The following WDR70 variants were observed in gnomAD, a reference collection of about 807,000 sequenced individuals.
The protein encoded by WDR70 is WD repeat-containing protein 70.
In WDR70, 53 loss-of-function variants were observed where a neutral mutation model predicts 88.6. That is an observed-to-expected ratio of 0.60 (90% CI 0.48 to 0.75). The LOEUF (loss-of-function observed/expected upper bound fraction) is 0.75. Ranked by LOEUF, WDR70 falls within the 30% of genes least tolerant of loss-of-function variation. WDR70 has a pLI of 0.00. For synonymous variants in WDR70, 280 were observed against 270.0 expected (o/e 1.04, Z -0.36); for missense variants, 610 against 823.2 (o/e 0.74, Z 3.17).
At chr5:37,512,620 T>G (rs2112246678) in intron 8 of WDR70, among the ~76,000 whole-genome samples, 1 of 152,034 alleles carries the variant, frequency 6.6e-6, no homozygotes, top group South Asian at 2.1e-4. Context: ...CTTGCTCTCT[T>G]GCCCATGCTG....
intron 5 of WDR70, among the ~76,000 whole-genome samples, chr5:37,412,683 A>T (rs1310673902): frequency 2.0e-5 from 3 of 152,078 alleles, no homozygotes; most frequent in Non-Finnish European, 4.4e-5. Flanking sequence ...TGTGGTGGGG[A>T]GTCCAAGTTT....
chr5:37,386,561 C>G (rs1581240727), intron 3 of WDR70, among the ~76,000 whole-genome samples: 1 of 152,130 alleles, frequency 6.6e-6, no homozygotes, highest in East Asian at 1.9e-4. Context: ...CTCCTGAAGT[C>G]AAGTGATCCG....
At chr5:37,554,678 G>GCACA (rs3068425) in intron 9 of WDR70, among the ~76,000 whole-genome samples, 68,581 of 147,500 alleles carry the variant, frequency 0.46, 15,639 homozygotes, top group Admixed American at 0.5. Flanking sequence ...GCACCTGCAC[G>GCACA]CACACACACA....
chr5:37,745,710 A>G (rs1224358251), intron 17 of WDR70, among the ~76,000 whole-genome samples: 2 of 152,230 alleles, frequency 1.3e-5, no homozygotes, highest in African/African-American at 4.8e-5. Context: ...AAAGGGAACA[A>G]TTCAACAAGA....
At chr5:37,712,526 T>C (rs994290694) in intron 13 of WDR70, among the ~76,000 whole-genome samples, 1 of 152,186 alleles carries the variant, frequency 6.6e-6, no homozygotes, top group Non-Finnish European at 1.5e-5. Context: ...TGGATCTATT[T>C]TGTAAAATAT....
In WDR70 at chr5:37,394,320, G is replaced by A. The variant is rs564024037; in HGVS notation, c.297-2055G>A. ...AAAAAAAAAAATCTGTTTTAAACCA[G>A]TGCAGCTGGAAACTTGTGCGTTAAT... On this transcript the variant is annotated intron_variant, in intron 4 of 17. Transcript: ENST00000265107. Among the ~76,000 whole-genome samples, 177 of 151,118 alleles carry A rather than the reference G, an allele frequency of 1.2e-3. 1 individual carries two copies. The highest frequency in any genetic ancestry group is 2.0e-3 in the Non-Finnish European group (133 of 67,908).
At chr5:37,705,038 T>C (rs1437774262) in intron 13 of WDR70, among the ~76,000 whole-genome samples, 1 of 152,126 alleles carries the variant, frequency 6.6e-6, no homozygotes, top group African/African-American at 2.4e-5. Flanking sequence ...TGAATGTTCA[T>C]TGACGTAAAA....
chr5:37,431,841 T>C (rs1750312794), intron 5 of WDR70, among the ~76,000 whole-genome samples: 1 of 152,260 alleles, frequency 6.6e-6, no homozygotes, highest in African/African-American at 2.4e-5. Flanking sequence ...TTTTACTTAA[T>C]ATAATGTCTT....
intron 17 of WDR70, among the ~76,000 whole-genome samples, chr5:37,744,479 T>C (rs1249361164): frequency 1.3e-5 from 2 of 151,956 alleles, no homozygotes; most frequent in African/African-American, 4.8e-5. Context: ...TAAAAAGCTA[T>C]GATGAGCTAA....
intron 9 of WDR70, among the ~76,000 whole-genome samples, chr5:37,582,565 AC>A (rs2112428591): frequency 6.6e-6 from 1 of 152,338 alleles, no homozygotes; most frequent in South Asian, 2.1e-4. Context: ...TAACTCTGCT[AC>A]TACTAACTGT....
intron 15 of WDR70, chr5:37,724,587 C>T (rs1245329735): frequency 4.9e-6 from 1 of 204,384 alleles, no homozygotes; most frequent in Non-Finnish European, 9.9e-6. Context: ...ACATTTGGGT[C>T]CTGTAAGAAA....
intron 5 of WDR70, 30 bp from the exon 6 acceptor site, chr5:37,437,892 C>A: frequency 6.3e-7 from 1 of 1,581,664 alleles, no homozygotes; most frequent in Non-Finnish European, 8.6e-7. Context: ...GTTATTTTAC[C>A]ATTAATGTCA....
chr5:37,429,502 T>A (rs1052779364), intron 5 of WDR70, among the ~76,000 whole-genome samples: 2 of 152,188 alleles, frequency 1.3e-5, no homozygotes, highest in Non-Finnish European at 2.9e-5. Context: ...TGTTTCAAGT[T>A]AATTTTTATG....
At chr5:37,533,449 C>G (rs1385423348) in intron 9 of WDR70, among the ~76,000 whole-genome samples, 1 of 148,312 alleles carries the variant, frequency 6.7e-6, no homozygotes, top group African/African-American at 2.6e-5. Flanking sequence ...AACAAAACAA[C>G]AAAACAATCA....
intron 5 of WDR70, among the ~76,000 whole-genome samples, chr5:37,408,048 CTA>C (rs1247182677): frequency 6.6e-6 from 1 of 152,052 alleles, no homozygotes; most frequent in East Asian, 1.9e-4. Flanking sequence ...TGGAATAGAA[CTA>C]GTTTGCAGGT....
chr5:37,448,479 T>C (rs1253138112), intron 7 of WDR70, among the ~76,000 whole-genome samples: 1 of 152,186 alleles, frequency 6.6e-6, no homozygotes, highest in Non-Finnish European at 1.5e-5. Flanking sequence ...TAGACGCGTA[T>C]GTATTCATGC....
intron 9 of WDR70, among the ~76,000 whole-genome samples, chr5:37,597,392 G>A (rs1047778860): frequency 6.6e-6 from 1 of 151,858 alleles, no homozygotes; most frequent in African/African-American, 2.4e-5. Context: ...ATTCTTATAG[G>A]TTTGTAGTAA....
At chr5:37,707,503 C>G in intron 13 of WDR70, among the ~76,000 whole-genome samples, 2 of 152,092 alleles carry the variant, frequency 1.3e-5, no homozygotes, top group East Asian at 3.9e-4. Context: ...AAAAACTAAA[C>G]CTTTATTTTT....
chr5:37,521,244 G>A (rs893598632), intron 9 of WDR70, among the ~76,000 whole-genome samples: 2 of 152,158 alleles, frequency 1.3e-5, no homozygotes, highest in Admixed American at 6.5e-5. Context: ...TTGACAAAAG[G>A]CATTCTGTGG....
Sources: allele counts gnomAD v4.1 joint callset (sites outside exome capture counted in the v4.1 genomes callset), GRCh38; gene constraint gnomAD v4.1.1; transcripts MANE v1.5; gene names NCBI Gene and HGNC (gene_info 2026-07-23, HGNC 2026-07-21).